The following PRKD1 variants were observed in gnomAD, a reference collection of about 807,000 sequenced individuals.
PRKD1 encodes serine/threonine-protein kinase D1.
A neutral mutation model predicts 95.9 loss-of-function variants in PRKD1; 63 were observed. That is an observed-to-expected ratio of 0.66 (90% CI 0.54 to 0.81). PRKD1 has a LOEUF of 0.81. Among genes scored for constraint, PRKD1 ranks in the 30% least tolerant of loss-of-function variants. PRKD1 has a pLI of 0.00. For synonymous variants in PRKD1, 425 were observed against 423.1 expected (o/e 1.00, Z -0.05); for missense variants, 1,048 against 1,165.3 (o/e 0.90, Z 1.47).
intron 17 of PRKD1, 73 bp downstream of exon 17, chr14:29,578,202 A>T (rs936437190): frequency 1.7e-6 from 2 of 1,188,856 alleles, no homozygotes; most frequent in Non-Finnish European, 2.4e-6. Flanking sequence ...ATTGCAAAAG[A>T]TTTCTAAATA....
intron 1 of PRKD1, among the ~76,000 whole-genome samples, chr14:29,763,706 T>C (rs1476898715): frequency 6.6e-6 from 1 of 152,006 alleles, no homozygotes; most frequent in African/African-American, 2.4e-5. Context: ...CTGTGTCTCA[T>C]AGAAGCCACA....
At chr14:29,816,976 A>C (rs568600585) in intron 1 of PRKD1, among the ~76,000 whole-genome samples, 91 of 152,312 alleles carry the variant, frequency 6.0e-4, no homozygotes, top group South Asian at 1.9e-3. Context: ...TTTTAAATAC[A>C]TTTAGATAAA....
chr14:29,736,541 G>T (rs1257490903), intron 1 of PRKD1, among the ~76,000 whole-genome samples: 5 of 152,278 alleles, frequency 3.3e-5, no homozygotes, highest in African/African-American at 1.2e-4. Flanking sequence ...AAGGCTCAGA[G>T]GCTTGTAAAC....
intron 13 of PRKD1, among the ~76,000 whole-genome samples, chr14:29,623,567 CA>C (rs1352139052): frequency 2.6e-5 from 4 of 151,834 alleles, no homozygotes; most frequent in Non-Finnish European, 5.9e-5. Flanking sequence ...CTTTGGTCTG[CA>C]AAAAAATTTT....
chr14:29,850,261 C>G (rs137977959), intron 1 of PRKD1, among the ~76,000 whole-genome samples: 48 of 152,162 alleles, frequency 3.2e-4, no homozygotes, highest in African/African-American at 1.2e-3. Context: ...AAGAATAAGT[C>G]AAATTATCTC....
intron 2 of PRKD1, among the ~76,000 whole-genome samples, chr14:29,703,141 A>G (rs1884921841): frequency 1.3e-5 from 2 of 152,078 alleles, no homozygotes; most frequent in African/African-American, 4.8e-5. Flanking sequence ...TACCTCATCA[A>G]TATTTACCAA....
At chr14:29,779,317 T>A (rs1281117610) in intron 1 of PRKD1, among the ~76,000 whole-genome samples, 2 of 151,950 alleles carry the variant, frequency 1.3e-5, no homozygotes, top group Admixed American at 6.6e-5. Flanking sequence ...AAATAAAGAG[T>A]ATTCAATTAG....
intron 1 of PRKD1, among the ~76,000 whole-genome samples, chr14:29,839,947 T>C (rs572602902): frequency 1.6e-3 from 248 of 152,164 alleles, no homozygotes; most frequent in Non-Finnish European, 1.9e-3. Context: ...GGGCCTGTGA[T>C]GGGAGGGCTG....
chr14:29,776,488 C>T (rs905993277), intron 1 of PRKD1, among the ~76,000 whole-genome samples: 1 of 152,076 alleles, frequency 6.6e-6, no homozygotes, highest in Non-Finnish European at 1.5e-5. Flanking sequence ...ACAAGAACTA[C>T]GGGACGCATG....
At chr14:29,725,800 T>G (rs1214199625) in intron 1 of PRKD1, 126 bp from the exon 2 acceptor site, 1 of 898,212 alleles carries the variant, frequency 1.1e-6, no homozygotes, top group East Asian at 2.9e-5. Context: ...TTAAAATATT[T>G]TAAAATTAAA....
chr14:29,600,662 T>C (rs1193086864), intron 13 of PRKD1, among the ~76,000 whole-genome samples: 1 of 152,174 alleles, frequency 6.6e-6, no homozygotes, highest in African/African-American at 2.4e-5. Context: ...GATTTTGATA[T>C]GTGGTGCGGT....
At chr14:29,728,729 G>T (rs1451061255) in intron 1 of PRKD1, among the ~76,000 whole-genome samples, 1 of 152,100 alleles carries the variant, frequency 6.6e-6, no homozygotes, top group African/African-American at 2.4e-5. Flanking sequence ...AAATAAAAAT[G>T]CAATGAACAT....
intron 2 of PRKD1, among the ~76,000 whole-genome samples, chr14:29,684,143 G>GTTTTTTTTTTTT (rs11285857): frequency 7.4e-6 from 1 of 135,792 alleles, no homozygotes. Flanking sequence ...CTTTAGAATG[G>GTTTTTTTTTTTT]TTTTTTTTTT....
intron 2 of PRKD1, among the ~76,000 whole-genome samples, chr14:29,681,002 T>A (rs1206154576): frequency 6.6e-6 from 1 of 152,176 alleles, no homozygotes; most frequent in Non-Finnish European, 1.5e-5. Context: ...TTTTTTACCA[T>A]CTGGTTAGTT....
chr14:29,584,598 A>G (rs574934827), intron 16 of PRKD1, among the ~76,000 whole-genome samples: 1 of 152,354 alleles, frequency 6.6e-6, no homozygotes, highest in East Asian at 1.9e-4. Flanking sequence ...ACTATAATGC[A>G]TTAGAAAAAT....
intron 7 of PRKD1, 116 bp from the exon 8 acceptor site, chr14:29,634,657 A>C: frequency 3.0e-6 from 4 of 1,351,548 alleles, no homozygotes; most frequent in South Asian, 1.3e-5. Flanking sequence ...TTCACATCTC[A>C]TGTTTAGTAA....
At chr14:29,801,235 C>T (rs151193904) in intron 1 of PRKD1, among the ~76,000 whole-genome samples, 166 of 152,296 alleles carry the variant, frequency 1.1e-3, no homozygotes, top group African/African-American at 3.8e-3. Flanking sequence ...AGGTCTTCAA[C>T]TGATTGATGA....
intron 1 of PRKD1, among the ~76,000 whole-genome samples, chr14:29,814,513 G>GAA (rs1566615846): frequency 7.9e-5 from 12 of 152,198 alleles, no homozygotes; most frequent in Admixed American, 6.5e-4. Flanking sequence ...AAGGAACTGG[G>GAA]CTTTTTCCCT....
chr14:29,683,910 T>A (rs1883690430), intron 2 of PRKD1, among the ~76,000 whole-genome samples: 1 of 152,246 alleles, frequency 6.6e-6, no homozygotes, highest in South Asian at 2.1e-4. Context: ...GGACATAGTG[T>A]TATAAATATG....
Sources: gnomAD v4.1 joint callset for allele counts (sites outside exome capture counted in the v4.1 genomes callset) on GRCh38, gnomAD v4.1.1 for gene constraint, MANE v1.5 for transcripts, NCBI Gene and HGNC (gene_info 2026-07-23, HGNC 2026-07-21) for gene names.